The following ZNF254 variants were observed in gnomAD, a reference collection of about 807,000 sequenced individuals.
The protein encoded by ZNF254 is zinc finger protein 254.
ZNF254 carries 10 observed loss-of-function variants against 12.4 expected under a neutral mutation model. The ratio of observed to expected loss-of-function variants is 0.80; its 90% CI spans 0.50 to 1.36. The LOEUF (loss-of-function observed/expected upper bound fraction) is 1.36, where lower values mean the gene tolerates loss of function less well. Ranked by LOEUF, ZNF254 falls within the 40% of genes most tolerant of loss-of-function variation. The pLI, the probability that ZNF254 is intolerant of heterozygous loss-of-function variation, is 0.00. For missense variants in ZNF254, 996 were observed against 763.9 expected (o/e 1.30, Z -3.58); for synonymous variants, 305 against 253.4 (o/e 1.20, Z -1.93).
At position 24,126,910 on chromosome 19, in the gene ZNF254, A is replaced by T. The variant is rs539332906; in HGVS notation, c.910A>T (p.Ile304Phe). 6.2e-6 allele frequency: 10 copies of T among 1,613,588 alleles called. No individual in the cohort carries two copies. The highest frequency in any genetic ancestry group is 2.7e-5 in the African/African-American group (2 of 74,908). Residue 304 changes from isoleucine to phenylalanine, a missense_variant, in exon 4 of 4, where the codon ATC (isoleucine) becomes TTC (phenylalanine). Coordinates refer to ENST00000357002, the MANE Select transcript of ZNF254 (RefSeq NM_203282.4). ...GTGTGAAGAATGTGGCAAAGCATTT[A>T]TCTGGTCCTCAACCCTTACTGAGCA... ...YKCEECGKAFIWSSTLTEHKK... is the reference protein window; with the variant it reads ...YKCEECGKAFFWSSTLTEHKK...
At chr19:24,044,537 CA>C (rs767180895) in intron 1 of ZNF254, among the ~76,000 whole-genome samples, 76 of 116,396 alleles carry the variant, frequency 6.5e-4, no homozygotes, top group African/African-American at 1.5e-3. Context: ...GACTCAGTCT[CA>C]AAAAAAAAAA....
At chr19:24,051,440 A>G (rs756778222) in intron 2 of ZNF254, among the ~76,000 whole-genome samples, 3 of 152,318 alleles carry the variant, frequency 2.0e-5, no homozygotes, top group Non-Finnish European at 2.9e-5. Context: ...GATTACAGGC[A>G]TGGGCCACCA....
chr19:24,050,206 A>T (rs1318749308), intron 2 of ZNF254, among the ~76,000 whole-genome samples: 1 of 151,962 alleles, frequency 6.6e-6, no homozygotes, highest in African/African-American at 2.4e-5. Context: ...GTCACCTAGG[A>T]TGGAGTGCAG....
At chr19:24,037,466 C>T (rs1220203382) in intron 1 of ZNF254, among the ~76,000 whole-genome samples, 1 of 152,140 alleles carries the variant, frequency 6.6e-6, no homozygotes, top group Non-Finnish European at 1.5e-5. Flanking sequence ...CTGAGTCTTG[C>T]TCTGTCACCC....
chr19:24,124,568 C>G (rs1191526901), intron 3 of ZNF254, among the ~76,000 whole-genome samples: 3 of 151,846 alleles, frequency 2.0e-5, no homozygotes, highest in Non-Finnish European at 2.9e-5. Flanking sequence ...AATTTGGTTA[C>G]TTTGGAAGGT....
intron 1 of ZNF254, among the ~76,000 whole-genome samples, chr19:24,093,863 A>C (rs775316661): frequency 6.6e-6 from 1 of 151,968 alleles, no homozygotes; most frequent in African/African-American, 2.4e-5. Flanking sequence ...TAAATCTGTA[A>C]ATTTTGGGGG....
At chr19:24,042,154 C>A (rs1428715391) in intron 1 of ZNF254, among the ~76,000 whole-genome samples, 2 of 151,724 alleles carry the variant, frequency 1.3e-5, no homozygotes, top group Non-Finnish European at 1.5e-5. Flanking sequence ...TGTGAATGCA[C>A]CAGTCGACAC....
intron 3 of ZNF254, among the ~76,000 whole-genome samples, chr19:24,122,550 T>G (rs1271879590): frequency 9.2e-5 from 14 of 152,274 alleles, no homozygotes; most frequent in Admixed American, 9.2e-4. Context: ...TTATGGCACT[T>G]TGCAAACGCC....
At chr19:24,124,771 T>G (rs1245279538) in intron 3 of ZNF254, among the ~76,000 whole-genome samples, 1 of 151,688 alleles carries the variant, frequency 6.6e-6, no homozygotes, top group Non-Finnish European at 1.5e-5. Flanking sequence ...TTTTTTCTTT[T>G]TCTTTTTTTT....
intron 3 of ZNF254, among the ~76,000 whole-genome samples, chr19:24,116,112 T>G (rs1974052422): frequency 6.6e-6 from 1 of 152,236 alleles, no homozygotes; most frequent in South Asian, 2.1e-4. Context: ...GACCTTTCTC[T>G]CTGGCTGCCC....
At chr19:24,055,477 C>T (rs1970816808) in intron 2 of ZNF254, among the ~76,000 whole-genome samples, 2 of 151,988 alleles carry the variant, frequency 1.3e-5, no homozygotes, top group South Asian at 4.2e-4. Flanking sequence ...CAGGGTTTCA[C>T]CATGCTGGCC....
intron 2 of ZNF254, among the ~76,000 whole-genome samples, chr19:24,057,619 G>C (rs947243359): frequency 6.6e-6 from 1 of 152,206 alleles, no homozygotes; most frequent in Non-Finnish European, 1.5e-5. Context: ...CTTTTCACAT[G>C]AATACAATCC....
intron 1 of ZNF254, among the ~76,000 whole-genome samples, chr19:24,094,785 C>T (rs888036669): frequency 5.3e-5 from 8 of 152,074 alleles, no homozygotes; most frequent in African/African-American, 1.9e-4. Flanking sequence ...CTTCTGGGTT[C>T]AAGTGATTCT....
At chr19:24,093,663 G>A (rs1972519587) in intron 1 of ZNF254, among the ~76,000 whole-genome samples, 1 of 152,140 alleles carries the variant, frequency 6.6e-6, no homozygotes, top group South Asian at 2.1e-4. Flanking sequence ...TTTTGTACCA[G>A]TTCCATGTTG....
intron 2 of ZNF254, among the ~76,000 whole-genome samples, chr19:24,070,408 C>A (rs907662726): frequency 2.6e-5 from 4 of 152,166 alleles, no homozygotes; most frequent in African/African-American, 9.7e-5. Context: ...TGAATCTCAA[C>A]CCTGGAGGCA....
At chr19:24,123,686 T>C (rs1349641190) in intron 3 of ZNF254, among the ~76,000 whole-genome samples, 3 of 152,192 alleles carry the variant, frequency 2.0e-5, no homozygotes, top group Non-Finnish European at 2.9e-5. Flanking sequence ...ATGAATCTAT[T>C]ATTTTTTGAT....
At chr19:24,053,487 A>G (rs1472964810) in intron 2 of ZNF254, among the ~76,000 whole-genome samples, 4 of 151,868 alleles carry the variant, frequency 2.6e-5, no homozygotes, top group Non-Finnish European at 4.4e-5. Context: ...TGGACCCAGC[A>G]TTTAGGTGAT....
Position 24,126,509 on chromosome 19 carries a change from A to G in ZNF254, c.509A>G (p.Asn170Ser), listed in dbSNP as rs1191252984. 2.5e-6 allele frequency: 4 copies of G among 1,590,176 alleles called. No homozygotes were observed. The South Asian group carries it at 4.6e-5, about 18-fold the overall frequency. Residue 170 changes from asparagine (N) to serine (S), a missense_variant, in exon 4 of 4, where the codon AAC (asparagine) becomes AGC (serine). Asn to Ser is a conservative substitution (Grantham distance 46). Transcript: ENST00000357002. ...LKVFYKFLNS[N>S]RPKIRHTEKK... Reference sequence around the variant, plus strand: ...GTCTTCTATAAATTTTTAAATTCAAACAGACCTAAGATAAGACATACTGAA... The same window carrying G: ...GTCTTCTATAAATTTTTAAATTCAAGCAGACCTAAGATAAGACATACTGAA...
chr19:24,047,344 C>T (rs908122319), intron 2 of ZNF254, among the ~76,000 whole-genome samples: 9 of 146,254 alleles, frequency 6.2e-5, no homozygotes, highest in African/African-American at 1.0e-4. Context: ...TTTTTCCTTC[C>T]TTCCTACCTT....
Sources: gnomAD v4.1 joint callset for allele counts (sites outside exome capture counted in the v4.1 genomes callset) on GRCh38, gnomAD v4.1.1 for gene constraint, MANE v1.5 for transcripts, NCBI Gene and HGNC (gene_info 2026-07-23, HGNC 2026-07-21) for gene names.